Variants in SETD2 observed in about 807,000 individuals in gnomAD.
SETD2 encodes the protein SET domain containing 2, histone lysine methyltransferase.
SETD2 carries 31 observed loss-of-function variants against 242.1 expected under a neutral mutation model. The observed-to-expected ratio is 0.13, with a 90% CI of 0.10 to 0.17. The LOEUF (loss-of-function observed/expected upper bound fraction) is 0.17. Among genes scored for constraint, SETD2 ranks in the 10% least tolerant of loss-of-function variants. The probability of loss-of-function intolerance (pLI) is 1.00; values close to 1 mark genes in which losing one functional copy is unlikely to be tolerated. For synonymous variants in SETD2, 1,006 were observed against 1,066.5 expected (o/e 0.94, Z 1.11); for missense variants, 2,481 against 3,046.3 (o/e 0.81, Z 4.37).
chr3:47,048,536 C>T (rs1483940959), intron 15 of SETD2, among the ~76,000 whole-genome samples: 3 of 152,074 alleles, frequency 2.0e-5, no homozygotes, highest in Non-Finnish European at 2.9e-5. Context: ...AGACTATAAA[C>T]ACTTGGGCTA....
chr3:47,144,208 C>T (rs1049114495), intron 1 of SETD2, among the ~76,000 whole-genome samples: 5 of 152,112 alleles, frequency 3.3e-5, no homozygotes, highest in Non-Finnish European at 5.9e-5. Context: ...GGCAAAATAT[C>T]AGAAGCCAGG....
At chr3:47,087,137 C>T (rs112831741) in intron 10 of SETD2, among the ~76,000 whole-genome samples, 52 of 149,592 alleles carry the variant, frequency 3.5e-4, no homozygotes, top group South Asian at 3.4e-3. Flanking sequence ...TTGGAGATCA[C>T]GTAGTACAAA....
chr3:47,035,649 G>GA lies in SETD2; in HGVS notation c.7350+2016dup, dbSNP rs552372527. ...TATGCATATACTAGACCAAAAGACT[G>GA]AATCAAGATTAATAGTTACGGTGCC... On this transcript the variant is annotated intron_variant, in intron 18 of 20. Transcript: ENST00000409792. 6.4e-4 allele frequency among the ~76,000 whole-genome samples: 97 copies of GA among 152,296 alleles called. 3 individuals are homozygous for GA. In the South Asian group the frequency reaches 0.015, roughly 24 times the overall value.
intron 1 of SETD2, chr3:47,127,613 G>A (rs373008201): frequency 2.8e-5 from 12 of 434,628 alleles, no homozygotes; most frequent in South Asian, 9.9e-5. Context: ...TGTAATCCCA[G>A]CACTTTGGGA....
chr3:47,018,033 G>C lies in SETD2; in HGVS notation c.7432-294C>G, dbSNP rs2038056528. ...ATGCTGAGTCCTTCAGCAGCCCCAG[G>C]TTTCAGTCAATGAATTTTGTGTCCT... On this transcript the variant is annotated intron_variant, in intron 19 of 20. Transcript: ENST00000409792. 2.6e-5 allele frequency among the ~76,000 whole-genome samples: 4 copies of C among 152,260 alleles called. No individual in the cohort carries two copies. The South Asian group carries it at 8.3e-4, about 32-fold the overall frequency.
chr3:47,149,844 G>C (rs1330080359), intron 1 of SETD2, among the ~76,000 whole-genome samples: 1 of 152,062 alleles, frequency 6.6e-6, no homozygotes, highest in African/African-American at 2.4e-5. Flanking sequence ...ATAATGAAAA[G>C]AGTTTAAATA....
At chr3:47,095,726 G>C (rs1366445815) in intron 9 of SETD2, among the ~76,000 whole-genome samples, 1 of 143,178 alleles carries the variant, frequency 7.0e-6, no homozygotes, top group Non-Finnish European at 1.5e-5. Context: ...CCATCAGTAG[G>C]AAAATATGTC....
chr3:47,060,949 C>T (rs940350451), intron 14 of SETD2, among the ~76,000 whole-genome samples: 7 of 152,042 alleles, frequency 4.6e-5, no homozygotes, highest in Admixed American at 2.6e-4. Context: ...AACAGCCAGG[C>T]GCAGTGGCTC....
At chr3:47,114,560 T>A (rs1333955111) in intron 4 of SETD2, among the ~76,000 whole-genome samples, 1 of 152,114 alleles carries the variant, frequency 6.6e-6, no homozygotes, top group Non-Finnish European at 1.5e-5. Flanking sequence ...GTGATAGATA[T>A]AAAGGTTTTA....
intron 1 of SETD2, among the ~76,000 whole-genome samples, chr3:47,144,979 CAAT>C (rs1448080575): frequency 2.0e-5 from 3 of 151,936 alleles, no homozygotes; most frequent in African/African-American, 7.3e-5. Context: ...AACAAACAAA[CAAT>C]AAATAAATAT....
chr3:47,068,147 C>T (rs559264890), intron 12 of SETD2, among the ~76,000 whole-genome samples: 1 of 152,184 alleles, frequency 6.6e-6, no homozygotes, highest in Non-Finnish European at 1.5e-5. Context: ...CAGTAACAAG[C>T]CTACACACTC....
intron 12 of SETD2, among the ~76,000 whole-genome samples, chr3:47,071,309 T>G (rs2040808192): frequency 6.6e-6 from 1 of 152,196 alleles, no homozygotes; most frequent in Non-Finnish European, 1.5e-5. Context: ...CTATAATTAT[T>G]ATGGGCCCAT....
chr3:47,081,333 C>T (rs1258704739), intron 12 of SETD2, among the ~76,000 whole-genome samples: 2 of 152,164 alleles, frequency 1.3e-5, no homozygotes, highest in Admixed American at 6.5e-5. Context: ...CCCCGGTTGG[C>T]TGGGGAGACT....
At position 47,120,577 on chromosome 3, in the gene SETD2, G is replaced by C. The variant is rs113560046; in HGVS notation, c.4059C>G (p.Ser1353=). Residue 1353 remains serine, a synonymous_variant, in exon 3 of 21, where the codon TCC becomes TCG. Coordinates refer to ENST00000409792, the MANE Select transcript of SETD2 (RefSeq NM_014159.7). ...TCTGAAGGGATAGAAGAAATTTATC[G>C]GACTGGTCTGAAAAATGGGATCCAT... The part of the protein sequence containing the change: ...QQDGSHFSDQ[S]DKFLLSLQKD... 49 of 1,613,904 alleles carry C rather than the reference G, an allele frequency of 3.0e-5. No individual in the cohort carries two copies. The highest frequency in any genetic ancestry group is 4.0e-5 in the Non-Finnish European group (47 of 1,180,008).
At position 47,122,737 on chromosome 3, in the gene SETD2, C is replaced by A. The variant is rs1575816326; in HGVS notation, c.1899G>T (p.Leu633Phe). The A allele has an allele frequency of 1.2e-6, 2 of 1,610,676 alleles. No homozygotes were observed. Among genetic ancestry groups the A allele is most frequent in the Non-Finnish European group, 1.7e-6 (2 of 1,178,664 alleles). The change falls in exon 3 of 21, where the codon TTG becomes TTT. Residue 633 changes from leucine (L) to phenylalanine (F), a missense_variant. Transcript: ENST00000409792. ...DSPTLKKLDE[L>F]PIFKSEFITH... ...TTATAAATTCGGACTTAAAAATAGG[C>A]AATTCATCTAGCTTTTTTAAAGTAG... is the stretch of plus-strand genomic sequence containing the variant.
intron 1 of SETD2, among the ~76,000 whole-genome samples, chr3:47,127,909 C>T (rs2043381186): frequency 6.6e-6 from 1 of 152,054 alleles, no homozygotes; most frequent in African/African-American, 2.4e-5. Context: ...ATTGCTTGAG[C>T]CTGGGAGACA....
At chr3:47,102,226 A>G (rs1002219252) in intron 7 of SETD2, among the ~76,000 whole-genome samples, 1 of 152,346 alleles carries the variant, frequency 6.6e-6, no homozygotes, top group Middle Eastern at 3.4e-3. Flanking sequence ...CTGGACTTGC[A>G]GAGATTAAGG....
intron 3 of SETD2, among the ~76,000 whole-genome samples, chr3:47,117,296 A>G: frequency 6.7e-6 from 1 of 149,010 alleles, no homozygotes; most frequent in African/African-American, 2.5e-5. Flanking sequence ...AAAAAAAAAA[A>G]CATGAGAAGG....
intron 4 of SETD2, among the ~76,000 whole-genome samples, 183 bp from the exon 5 acceptor site, chr3:47,114,187 G>C (rs2042765042): frequency 6.6e-6 from 1 of 152,148 alleles, no homozygotes; most frequent in South Asian, 2.1e-4. Context: ...TTAGAACTGA[G>C]TATCTACATT....
Sources: gnomAD v4.1 joint callset for allele counts (sites outside exome capture counted in the v4.1 genomes callset) on GRCh38, gnomAD v4.1.1 for gene constraint, MANE v1.5 for transcripts, NCBI Gene and HGNC (gene_info 2026-07-23, HGNC 2026-07-21) for gene names.